ATXN10: variants seen among roughly 807,000 people sequenced by gnomAD.
The protein encoded by ATXN10 is ataxin 10.
A neutral mutation model predicts 52.9 loss-of-function variants in ATXN10; 28 were observed. That is an observed-to-expected ratio of 0.53 (90% CI 0.39 to 0.73). The LOEUF (loss-of-function observed/expected upper bound fraction) is 0.73. Ranked by LOEUF, ATXN10 falls within the 30% of genes least tolerant of loss-of-function variation. The probability of loss-of-function intolerance (pLI) is 0.00; values close to 1 mark genes in which losing one functional copy is unlikely to be tolerated. For missense variants in ATXN10, 565 were observed against 577.0 expected (o/e 0.98, Z 0.21); for synonymous variants, 226 against 221.5 (o/e 1.02, Z -0.18).
chr22:45,838,520 A>T (rs1352835560), intron 10 of ATXN10, among the ~76,000 whole-genome samples: 1 of 152,254 alleles, frequency 6.6e-6, no homozygotes, highest in Non-Finnish European at 1.5e-5. Flanking sequence ...AAAGCTAAGC[A>T]TACAATAAAG....
At position 45,783,307 on chromosome 22, in the gene ATXN10, G is replaced by T. The variant is rs1219080983; in HGVS notation, c.1174-23652G>T. Reference sequence around the variant, plus strand: ...AGATTTTCTCATGCTCCTCAGCATGGTGCACAACTTAAAAAACAGGAATTG... The same window carrying T: ...AGATTTTCTCATGCTCCTCAGCATGTTGCACAACTTAAAAAACAGGAATTG... On this transcript the variant is annotated intron_variant, in intron 9 of 11. Coordinates refer to ENST00000252934, the MANE Select transcript of ATXN10 (RefSeq NM_013236.4). The surrounding 1 kb of genome is among the most constrained non-coding windows in gnomAD (Gnocchi z 5.0). 6.6e-6 allele frequency among the ~76,000 whole-genome samples: 1 copy of T among 152,174 alleles called. No homozygotes were observed. Among genetic ancestry groups the T allele is most frequent in the Non-Finnish European group, 1.5e-5 (1 of 68,034 alleles).
At chr22:45,800,421 G>A (rs983599842) in intron 9 of ATXN10, among the ~76,000 whole-genome samples, 6 of 152,230 alleles carry the variant, frequency 3.9e-5, no homozygotes, top group Non-Finnish European at 7.3e-5. Context: ...ACCACAGTGT[G>A]ATGCTGCCTA....
rs1925912304 is a variant in ATXN10, at chr22:45,750,662, C to G, written c.1173+10124C>G. Among the ~76,000 whole-genome samples the G allele has an allele frequency of 6.6e-6, 1 of 152,110 alleles. No individual in the cohort carries two copies. Among genetic ancestry groups the G allele is most frequent in the Non-Finnish European group, 1.5e-5 (1 of 68,008 alleles). Reference sequence around the variant, plus strand: ...AAAATGAAAATAATTGAGGAATTGTCATATCAATATTAAAATATACTTTAA... The same window carrying G: ...AAAATGAAAATAATTGAGGAATTGTGATATCAATATTAAAATATACTTTAA... On this transcript the variant is annotated intron_variant, in intron 9 of 11. Coordinates refer to ENST00000252934, the MANE Select transcript of ATXN10 (RefSeq NM_013236.4). This position sits in a 1 kb window ranked among gnomAD's most constrained non-coding sequence, Gnocchi z 4.2.
At chr22:45,778,738 A>T (rs7293208) in intron 9 of ATXN10, among the ~76,000 whole-genome samples, 6 of 152,352 alleles carry the variant, frequency 3.9e-5, no homozygotes, top group African/African-American at 1.4e-4. Context: ...TCTGAGATTG[A>T]CAAGATTGTT....
Position 45,772,676 on chromosome 22 carries a change from C to T in ATXN10, c.1173+32138C>T, listed in dbSNP as rs1406183133. Reference sequence around the variant, plus strand: ...CAATGTCTTACTGTGTTGAGTCTTCCAATCCGTGAACCAGGAATGTCTTTC... The same window carrying T: ...CAATGTCTTACTGTGTTGAGTCTTCTAATCCGTGAACCAGGAATGTCTTTC... On this transcript the variant is annotated intron_variant, in intron 9 of 11. Coordinates refer to ENST00000252934, the MANE Select transcript of ATXN10 (RefSeq NM_013236.4). The surrounding 1 kb of genome is among the most constrained non-coding windows in gnomAD (Gnocchi z 4.1). Among the ~76,000 whole-genome samples, 1 of 152,188 alleles carries T rather than the reference C, an allele frequency of 6.6e-6. No homozygotes were observed. Among genetic ancestry groups the T allele is most frequent in the South Asian group, 2.1e-4 (1 of 4,820 alleles).
chr22:45,831,195 G>A (rs1472026870), intron 10 of ATXN10, among the ~76,000 whole-genome samples: 1 of 152,140 alleles, frequency 6.6e-6, no homozygotes, highest in Non-Finnish European at 1.5e-5. Context: ...GTGGTTGAGG[G>A]GAGAGAAGAA....
chr22:45,791,087 G>A (rs946258481), intron 9 of ATXN10, among the ~76,000 whole-genome samples: 1 of 152,084 alleles, frequency 6.6e-6, no homozygotes, highest in African/African-American at 2.4e-5. Flanking sequence ...TCAAACTCCT[G>A]GCCTCAAGCC....
At chr22:45,699,455 T>C (rs1923747651) in intron 3 of ATXN10, among the ~76,000 whole-genome samples, 1 of 151,592 alleles carries the variant, frequency 6.6e-6, no homozygotes, top group Non-Finnish European at 1.5e-5. Flanking sequence ...TTCTAAAATA[T>C]TCAGTAGAAA....
chr22:45,739,407 T>G (rs1925423084), intron 8 of ATXN10, among the ~76,000 whole-genome samples: 1 of 152,214 alleles, frequency 6.6e-6, no homozygotes. Context: ...TGTTCATTAT[T>G]TGCAATTTTT....
rs1000396136 is a variant in ATXN10, at chr22:45,784,041, C to T, written c.1174-22918C>T. On this transcript the variant is annotated intron_variant, in intron 9 of 11. Coordinates refer to ENST00000252934, the MANE Select transcript of ATXN10 (RefSeq NM_013236.4). The surrounding 1 kb of genome is among the most constrained non-coding windows in gnomAD (Gnocchi z 4.2). The stretch of plus-strand genomic sequence containing the variant: ...AGCAGGCCAGGTCTGTGTCACTGGC[C>T]CTCCCTCTCCCCTTCTTAATCCTCA... Among the ~76,000 whole-genome samples the T allele has an allele frequency of 2.6e-5, 4 of 152,058 alleles. No individual in the cohort carries two copies. The highest frequency in any genetic ancestry group is 9.7e-5 in the African/African-American group (4 of 41,394).
Position 45,829,132 on chromosome 22 carries a change from A to G in ATXN10, c.1238-13859A>G, listed in dbSNP as rs76980867. On this transcript the variant is annotated intron_variant, in intron 10 of 11. Transcript: ENST00000252934. ...ATGAAGGGAAAGAAACACATGATCA[A>G]TTCAGTTGATGCAGAAAAAGCATTT... Among the ~76,000 whole-genome samples, 995 of 152,334 alleles carry G rather than the reference A, an allele frequency of 6.5e-3. 7 individuals carry two copies. The highest frequency in any genetic ancestry group is 0.02 in the South Asian group (96 of 4,830).
intron 9 of ATXN10, among the ~76,000 whole-genome samples, chr22:45,778,699 C>G (rs937821906): frequency 6.6e-6 from 1 of 152,080 alleles, no homozygotes; most frequent in East Asian, 1.9e-4. Flanking sequence ...TGAATAAAAT[C>G]GTGTCACTGA....
intron 3 of ATXN10, among the ~76,000 whole-genome samples, chr22:45,699,479 C>CT (rs1569027642): frequency 2.7e-5 from 3 of 111,300 alleles, no homozygotes; most frequent in Non-Finnish European, 2.0e-5. Context: ...TTTTTTTTTT[C>CT]TTTTTCTTTC....
rs1928559351 is a variant in ATXN10 at position 45,819,010 on chromosome 22, A to G, written c.1237+11988A>G. The stretch of plus-strand genomic sequence containing the variant: ...AACATGAGAAATCCATGCCTAAATA[A>G]TTTCACCTTAATCGTCACTATTCTA... On this transcript the variant is annotated intron_variant, in intron 10 of 11. Transcript: ENST00000252934. This position sits in a 1 kb window ranked among gnomAD's most constrained non-coding sequence, Gnocchi z 4.5. Among the ~76,000 whole-genome samples the G allele has an allele frequency of 6.6e-6, 1 of 151,970 alleles. No homozygotes were observed. Among genetic ancestry groups the G allele is most frequent in the African/African-American group, 2.4e-5 (1 of 41,366 alleles).
At chr22:45,793,452 A>G (rs1012684404) in intron 9 of ATXN10, 1 of 659,230 alleles carries the variant, frequency 1.5e-6, no homozygotes, top group African/African-American at 1.9e-5. Flanking sequence ...AGCAGAGTCC[A>G]CATCTTGAGG....
rs1922742190 is a variant in ATXN10 at position 45,677,429 on chromosome 22, T to G, written c.116+5250T>G. The G allele has an allele frequency of 6.6e-6, 1 of 152,010 alleles. No homozygotes were observed. The highest frequency in any genetic ancestry group is 1.5e-5 in the Non-Finnish European group (1 of 68,014). The allele number at this position is 152,010 out of a possible 1,614,324, so 9.4% of individuals were successfully genotyped here. Reference sequence around the variant, plus strand: ...TTCAGCTTCTATCAGTATAGCTCATTTTTTCTCTTCAATCTGCTTAGACAA... The same window carrying G: ...TTCAGCTTCTATCAGTATAGCTCATGTTTTCTCTTCAATCTGCTTAGACAA... On this transcript the variant is annotated intron_variant, in intron 1 of 11. Coordinates refer to ENST00000252934, the MANE Select transcript of ATXN10 (RefSeq NM_013236.4). This position sits in a 1 kb window ranked among gnomAD's most constrained non-coding sequence, Gnocchi z 4.1.
At chr22:45,773,409 A>ATTTAAC (rs1926841702) in intron 9 of ATXN10, among the ~76,000 whole-genome samples, 1 of 151,964 alleles carries the variant, frequency 6.6e-6, no homozygotes, top group Non-Finnish European at 1.5e-5. Context: ...TGTGGGGGTT[A>ATTTAAC]AATGGGAACA....
rs373886006 is a variant in ATXN10 at position 45,791,837 on chromosome 22, A to AAC, written c.1174-15120_1174-15119dup. 5.3e-5 allele frequency among the ~76,000 whole-genome samples: 8 copies of AAC among 152,290 alleles called. No individual in the cohort carries two copies. The East Asian group carries it at 1.5e-3, about 29-fold the overall frequency. Reference sequence around the variant, plus strand: ...TTTCCTTATTTTTCTGTTGTTTTGGAACAACTTGTATACAAAATACATGTT... The same window carrying AAC: ...TTTCCTTATTTTTCTGTTGTTTTGGAACACAACTTGTATACAAAATACATGTT... On this transcript the variant is annotated intron_variant, in intron 9 of 11. Transcript: ENST00000252934.
chr22:45,740,981 G>C (rs1305155917), intron 9 of ATXN10, among the ~76,000 whole-genome samples: 1 of 152,014 alleles, frequency 6.6e-6, no homozygotes, highest in Admixed American at 6.5e-5. Flanking sequence ...AAGTCTTTGA[G>C]GACCTAGTAG....
Sources: gnomAD v4.1 joint callset for allele counts (sites outside exome capture counted in the v4.1 genomes callset) on GRCh38, gnomAD v4.1.1 for gene constraint, Gnocchi (gnomAD v3.1) non-coding constraint, MANE v1.5 for transcripts, NCBI Gene and HGNC (gene_info 2026-07-23, HGNC 2026-07-21) for gene names.